BCAS4: variants seen among roughly 807,000 people sequenced by gnomAD.
The protein encoded by BCAS4 is breast carcinoma amplified sequence 4.
A neutral mutation model predicts 15.7 loss-of-function variants in BCAS4; 9 were observed. The observed-to-expected ratio is 0.57, with a 90% confidence interval of 0.34 to 1.00. The LOEUF (loss-of-function observed/expected upper bound fraction) is 1.00. Ranked by LOEUF, BCAS4 falls within the 50% of genes least tolerant of loss-of-function variation. The probability of loss-of-function intolerance (pLI) is 0.02; values close to 1 mark genes in which losing one functional copy is unlikely to be tolerated. For synonymous variants in BCAS4, 101 were observed against 99.5 expected (o/e 1.02, Z -0.09); for missense variants, 225 against 239.1 (o/e 0.94, Z 0.39).
At chr20:50,845,086 C>T (rs572434311) in intron 4 of BCAS4, among the ~76,000 whole-genome samples, 3 of 152,204 alleles carry the variant, frequency 2.0e-5, no homozygotes, top group Admixed American at 6.5e-5. Context: ...ACTCTGTAGT[C>T]GCCTCACACC....
intron 1 of BCAS4, among the ~76,000 whole-genome samples, chr20:50,816,791 A>ATTTTTTTTTTTTTTTTT (rs35600563): frequency 1.2e-5 from 1 of 80,898 alleles, no homozygotes; most frequent in Non-Finnish European, 2.2e-5. Context: ...TGCCTGGCTA[A>ATTTTTTTTTTTTTTTTT]TTTTTTTTTT....
In BCAS4 at chr20:50,803,981, T is replaced by C. The variant is rs1317433130; in HGVS notation, c.90+8808T>C. Among the ~76,000 whole-genome samples the C allele has an allele frequency of 2.6e-5, 4 of 152,092 alleles. 1 individual carries two copies. In the South Asian group the frequency reaches 6.2e-4, roughly 24 times the overall value. ...TCTGTTGGAAAATCACTCTGGGGGC[T>C]GGTAGAAAATGAATTTTAGGGAGGA... On this transcript the variant is annotated intron_variant, in intron 1 of 4. Transcript: ENST00000371608.
chr20:50,828,714 G>A (rs1191420109), intron 2 of BCAS4, among the ~76,000 whole-genome samples: 1 of 152,142 alleles, frequency 6.6e-6, no homozygotes, highest in African/African-American at 2.4e-5. Context: ...GGGAGGCGGA[G>A]GTTACAGTGA....
At chr20:50,821,527 G>A (rs1348971597) in intron 2 of BCAS4, among the ~76,000 whole-genome samples, 1 of 152,194 alleles carries the variant, frequency 6.6e-6, no homozygotes, top group African/African-American at 2.4e-5. Context: ...CTAGCTTGGG[G>A]CCTCTTTTTT....
intron 1 of BCAS4, among the ~76,000 whole-genome samples, chr20:50,815,591 C>T (rs1039694588): frequency 5.3e-5 from 8 of 152,050 alleles, no homozygotes; most frequent in African/African-American, 1.9e-4. Flanking sequence ...TTTCTTTTTC[C>T]CCGTCTTCTC....
At chr20:50,871,231 C>A (rs1030402451) in intron 4 of BCAS4, among the ~76,000 whole-genome samples, 11 of 152,216 alleles carry the variant, frequency 7.2e-5, no homozygotes. Context: ...AGCTCCAGTG[C>A]TCCCTCCCTC....
At chr20:50,816,739 C>T (rs191919910) in intron 1 of BCAS4, among the ~76,000 whole-genome samples, 28 of 151,576 alleles carry the variant, frequency 1.8e-4, no homozygotes, top group Non-Finnish European at 3.5e-4. Flanking sequence ...TTACTGCAGC[C>T]TCAGCCTCCT....
chr20:50,797,474 C>T (rs546547099), intron 1 of BCAS4, among the ~76,000 whole-genome samples: 211 of 152,176 alleles, frequency 1.4e-3, no homozygotes, highest in Non-Finnish European at 2.6e-3. Context: ...GTGGGAGGAT[C>T]ACTTGAGACC....
chr20:50,835,461 G>C (rs982695655), intron 3 of BCAS4, among the ~76,000 whole-genome samples: 39 of 152,006 alleles, frequency 2.6e-4, no homozygotes, highest in African/African-American at 9.2e-4. Context: ...GGCCAGGATG[G>C]TCGTGATCTC....
chr20:50,812,373 T>C (rs2088078703), intron 1 of BCAS4, among the ~76,000 whole-genome samples: 1 of 148,668 alleles, frequency 6.7e-6, no homozygotes, highest in Non-Finnish European at 1.5e-5. Context: ...GACGTTGTGA[T>C]CCGCCCCCCC....
intron 3 of BCAS4, among the ~76,000 whole-genome samples, chr20:50,831,019 C>A (rs1470031935): frequency 6.6e-6 from 1 of 152,120 alleles, no homozygotes; most frequent in Non-Finnish European, 1.5e-5. Context: ...AATGTATACA[C>A]GCCTAAGTAT....
intron 4 of BCAS4, among the ~76,000 whole-genome samples, chr20:50,855,413 G>C (rs1327351434): frequency 6.6e-6 from 1 of 152,004 alleles, no homozygotes; most frequent in African/African-American, 2.4e-5. Context: ...TCCTGCCTGT[G>C]TCTCTGTCCC....
rs552470103 is a variant in BCAS4 at position 50,827,007 on chromosome 20, AAAAC to A, written c.163-3252_163-3249del. Among the ~76,000 whole-genome samples the A allele has an allele frequency of 1.8e-3, 274 of 151,792 alleles. 1 individual carries two copies. The highest frequency in any genetic ancestry group is 3.0e-3 in the Non-Finnish European group (206 of 67,940). ...AAAAACAACCCACGACCCCCCACCA[AAAAC>A]AAACAAACAAACAAACAAAAAAAAC... On this transcript the variant is annotated intron_variant, in intron 2 of 4. Coordinates refer to ENST00000371608, the MANE Select transcript of BCAS4 (RefSeq NM_198799.4).
intron 1 of BCAS4, among the ~76,000 whole-genome samples, chr20:50,803,369 T>C (rs1285304745): frequency 1.3e-5 from 2 of 152,210 alleles, no homozygotes; most frequent in Non-Finnish European, 2.9e-5. Context: ...GTGTGTGTGC[T>C]GCCGTTTTCT....
At chr20:50,816,966 G>T (rs939381543) in intron 1 of BCAS4, among the ~76,000 whole-genome samples, 7 of 151,856 alleles carry the variant, frequency 4.6e-5, no homozygotes, top group Admixed American at 3.3e-4. Flanking sequence ...CACCACACCC[G>T]GCTAATTTTT....
intron 1 of BCAS4, among the ~76,000 whole-genome samples, chr20:50,804,756 C>T (rs1179782337): frequency 1.3e-5 from 2 of 152,184 alleles, no homozygotes; most frequent in African/African-American, 2.4e-5. Flanking sequence ...CCCTTCTGGA[C>T]ACTCAAACTT....
Position 50,807,098 on chromosome 20 carries a change from C to T in BCAS4, c.91-11113C>T, listed in dbSNP as rs147789665. Among the ~76,000 whole-genome samples, 843 of 152,188 alleles carry T rather than the reference C, an allele frequency of 5.5e-3. 11 individuals carry two copies. Among genetic ancestry groups the T allele is most frequent in the African/African-American group, 0.02 (816 of 41,528 alleles). The stretch of plus-strand genomic sequence containing the variant: ...TGTTGGCCAGACTGGTCTTGAACTC[C>T]TGGCCTCAGGTGATCTGCCTGCCTC... On this transcript the variant is annotated intron_variant, in intron 1 of 4. Coordinates refer to ENST00000371608, the MANE Select transcript of BCAS4 (RefSeq NM_198799.4).
At chr20:50,847,427 A>G (rs2088560178) in intron 4 of BCAS4, among the ~76,000 whole-genome samples, 1 of 152,154 alleles carries the variant, frequency 6.6e-6, no homozygotes. Context: ...GTGGTCCAGG[A>G]CAGACTCAAC....
chr20:50,829,055 A>G (rs548598567), intron 2 of BCAS4, among the ~76,000 whole-genome samples: 2 of 152,200 alleles, frequency 1.3e-5, no homozygotes, highest in South Asian at 4.2e-4. Context: ...GCTAAATTTA[A>G]ACACTAGCCT....
Sources: gnomAD v4.1 joint callset for allele counts (sites outside exome capture counted in the v4.1 genomes callset) on GRCh38, gnomAD v4.1.1 for gene constraint, MANE v1.5 for transcripts, NCBI Gene and HGNC (gene_info 2026-07-23, HGNC 2026-07-21) for gene names.